Variants in DMBT1 observed in about 807,000 individuals in gnomAD.
DMBT1 encodes scavenger receptor cysteine-rich domain-containing protein DMBT1.
Under a neutral mutation model 252.9 loss-of-function variants are expected in DMBT1, and 198 were observed. The observed-to-expected ratio is 0.78, with a 90% CI of 0.70 to 0.88. The LOEUF is 0.88. Ranked by LOEUF, DMBT1 falls within the 40% of genes least tolerant of loss-of-function variation. The pLI, the probability that DMBT1 is intolerant of heterozygous loss-of-function variation, is 0.00. For synonymous variants in DMBT1, 990 were observed against 942.7 expected (o/e 1.05, Z -0.92); for missense variants, 2,432 against 2,404.7 (o/e 1.01, Z -0.24).
chr10:122,592,722 A>T, intron 20 of DMBT1, 127 bp downstream of exon 20: 1 of 1,464,216 alleles, frequency 6.8e-7, no homozygotes, highest in Non-Finnish European at 9.2e-7. Context: ...TAGTCTTGTT[A>T]GCTCTCTGCT....
At chr10:122,598,414 C>T (rs2097905419) in intron 25 of DMBT1, among the ~76,000 whole-genome samples, 1 of 152,156 alleles carries the variant, frequency 6.6e-6, no homozygotes, top group Admixed American at 6.5e-5. Flanking sequence ...TTTCAGAAGT[C>T]AGACAAGACC....
At chr10:122,622,837 A>C (rs2098083554) in intron 44 of DMBT1, among the ~76,000 whole-genome samples, 1 of 152,246 alleles carries the variant, frequency 6.6e-6, no homozygotes, top group South Asian at 2.1e-4. Context: ...TAGAATAAAA[A>C]ACAGGCAGGA....
intron 54 of DMBT1, among the ~76,000 whole-genome samples, chr10:122,639,402 G>A (rs1398218523): frequency 3.3e-5 from 5 of 152,176 alleles, no homozygotes; most frequent in Admixed American, 2.6e-4. Flanking sequence ...TCCAAAAAGA[G>A]AGTCAGCGAA....
intron 24 of DMBT1, among the ~76,000 whole-genome samples, chr10:122,597,362 G>T (rs1049257034): frequency 2.0e-5 from 3 of 152,174 alleles, no homozygotes; most frequent in African/African-American, 7.2e-5. Context: ...ATTCAGAGCT[G>T]ATATGACCTT....
chr10:122,625,992 C>T (rs2133654885), intron 46 of DMBT1, 27 bp downstream of exon 46: 1 of 1,586,818 alleles, frequency 6.3e-7, no homozygotes, highest in South Asian at 1.1e-5. Context: ...CTACCTGAAC[C>T]ATAGGTCATA....
rs2098161587 is a variant in DMBT1, at chr10:122,631,124, A to T, written c.6189A>T (p.Ser2063=). The change falls in exon 49 of 56, where the codon TCA becomes TCT. Residue 2063 remains serine, a synonymous_variant. Coordinates refer to ENST00000338354, the MANE Select transcript of DMBT1 (RefSeq NM_001377530.1). ...CRQLGCGRAV[S]ALGNAYFGSG... ...AGCTAGGGTGTGGACGTGCAGTTTC[A>T]GCCCTTGGAAATGCATATTTTGGCT... 4 of 1,613,858 alleles carry T rather than the reference A, an allele frequency of 2.5e-6. No individual in the cohort carries two copies. The highest frequency in any genetic ancestry group is 2.5e-6 in the Non-Finnish European group (3 of 1,179,904).
chr10:122,632,265 C>T (rs558614527), intron 50 of DMBT1, among the ~76,000 whole-genome samples: 38 of 152,118 alleles, frequency 2.5e-4, no homozygotes, highest in African/African-American at 8.7e-4. Context: ...CCCCCACTGC[C>T]CCGCCCCCTG....
rs779159769 is a variant in DMBT1, at chr10:122,584,666, C to A, written c.1420+315C>A. ...CCTTTTCTATTCAGAGCTGATATGA[C>A]CTTCCTGAGAATTGAGAGTGATTGC... On this transcript the variant is annotated intron_variant, in intron 14 of 55. Transcript: ENST00000338354. Among the ~76,000 whole-genome samples, 7 of 148,948 alleles carry A rather than the reference C, an allele frequency of 4.7e-5. 1 individual carries two copies. Among genetic ancestry groups the A allele is most frequent in the South Asian group, 4.5e-4 (2 of 4,476 alleles).
At chr10:122,567,322 C>A (rs3019525) in intron 2 of DMBT1, among the ~76,000 whole-genome samples, 101,934 of 152,052 alleles carry the variant, frequency 0.67, 34,532 homozygotes, top group East Asian at 0.77. Flanking sequence ...TTGCAGATGG[C>A]ATAGAAGGTA....
intron 3 of DMBT1, among the ~76,000 whole-genome samples, chr10:122,570,573 A>G (rs1243207947): frequency 6.6e-6 from 1 of 152,252 alleles, no homozygotes. Flanking sequence ...CTATAGAAAC[A>G]GCCAGATATC....
At chr10:122,563,723 T>G (rs1490724860) in intron 1 of DMBT1, among the ~76,000 whole-genome samples, 1 of 152,182 alleles carries the variant, frequency 6.6e-6, no homozygotes, top group Non-Finnish European at 1.5e-5. Context: ...TTGGTCTCAG[T>G]ATGTGCAGAA....
intron 10 of DMBT1, 83 bp downstream of exon 10, chr10:122,579,984 A>C (rs1702659593): frequency 6.3e-7 from 1 of 1,595,948 alleles, no homozygotes; most frequent in African/African-American, 1.3e-5. Flanking sequence ...TGATCTCCTC[A>C]CTCAAAGCTT....
rs555164545 is a variant in DMBT1 at position 122,617,415 on chromosome 10, G to T, written c.4891+155G>T. On this transcript the variant is annotated intron_variant, in intron 40 of 55. Coordinates refer to ENST00000338354, the MANE Select transcript of DMBT1 (RefSeq NM_001377530.1). ...TGGAGTTTCTAGGGAGTCAGCCCTG[G>T]GTTTGATGTTTGAGGATGGAGGGTG... 2.0e-5 allele frequency among the ~76,000 whole-genome samples: 3 copies of T among 151,314 alleles called. 1 individual carries two copies. The highest frequency in any genetic ancestry group is 4.9e-5 in the African/African-American group (2 of 40,946).
chr10:122,592,135 T>C, intron 19 of DMBT1, 137 bp from the exon 20 acceptor site: 1 of 1,388,296 alleles, frequency 7.2e-7, no homozygotes, highest in Non-Finnish European at 9.8e-7. Flanking sequence ...AAGCTGAACC[T>C]CTGGTTGCAG....
At chr10:122,574,195 G>A (rs941447593) in intron 6 of DMBT1, among the ~76,000 whole-genome samples, 1 of 152,180 alleles carries the variant, frequency 6.6e-6, no homozygotes, top group Non-Finnish European at 1.5e-5. Context: ...CCTATATTAT[G>A]CCACCCTTGT....
At position 122,586,305 on chromosome 10, in the gene DMBT1, T is replaced by C. The variant is rs771916081; in HGVS notation, c.1705T>C (p.Tyr569His). ...CGTGCGCTGCTCAGGGAATGAGTCC[T>C]ACTTGTGGAGCTGCCCCCACAATGG... ...DDVRCSGNES[Y>H]LWSCPHNGWL... Residue 569 changes from tyrosine to histidine, a missense_variant, in exon 16 of 56, where the codon TAC becomes CAC. Transcript: ENST00000338354. 11 of 1,588,622 alleles carry C rather than the reference T, an allele frequency of 6.9e-6. No homozygotes were observed. In the African/African-American group the frequency reaches 1.1e-4, roughly 16 times the overall value.
At chr10:122,568,915 G>A (rs1311780566) in intron 2 of DMBT1, among the ~76,000 whole-genome samples, 1 of 152,218 alleles carries the variant, frequency 6.6e-6, no homozygotes, top group Admixed American at 6.5e-5. Flanking sequence ...AGGTAGTGTG[G>A]ATATCACCTT....
At chr10:122,586,027 G>A (rs770071936) in intron 15 of DMBT1, 33 bp from the exon 16 acceptor site, 4 of 1,587,268 alleles carry the variant, frequency 2.5e-6, no homozygotes, top group Non-Finnish European at 3.4e-6. Flanking sequence ...CTCATGATAG[G>A]GATGGATGAA....
intron 52 of DMBT1, among the ~76,000 whole-genome samples, chr10:122,634,362 TTC>T (rs1491366433): frequency 6.8e-5 from 7 of 103,290 alleles, no homozygotes; most frequent in African/African-American, 2.0e-4. Flanking sequence ...CTTTCTTTCT[TTC>T]TTTCTTTCTT....
Sources: allele counts gnomAD v4.1 joint callset (sites outside exome capture counted in the v4.1 genomes callset), GRCh38; gene constraint gnomAD v4.1.1; transcripts MANE v1.5; gene names NCBI Gene and HGNC (gene_info 2026-07-23, HGNC 2026-07-21).